The following CDH19 variants were observed in gnomAD, a reference collection of about 807,000 sequenced individuals.
CDH19 encodes cadherin 19, also known as cadherin-19.
A neutral mutation model predicts 64.2 loss-of-function variants in CDH19; 67 were observed. The observed-to-expected ratio is 1.04, with a 90% CI of 0.86 to 1.28. The LOEUF is 1.28. Among genes scored for constraint, CDH19 ranks in the 50% most tolerant of loss-of-function variants. CDH19 has a pLI of 0.00. For synonymous variants in CDH19, 346 were observed against 319.3 expected (o/e 1.08, Z -0.89); for missense variants, 1,030 against 929.0 (o/e 1.11, Z -1.41).
intron 3 of CDH19, among the ~76,000 whole-genome samples, chr18:66,562,210 T>C (rs1393965910): frequency 2.0e-5 from 3 of 151,664 alleles, no homozygotes; most frequent in South Asian, 4.2e-4. Context: ...TATTACTACA[T>C]TGTAATATAT....
chr18:66,572,410 A>G (rs1988136327), intron 1 of CDH19, 94 bp from the exon 2 acceptor site: 1 of 393,036 alleles, frequency 2.5e-6, no homozygotes, highest in Non-Finnish European at 4.6e-6. Flanking sequence ...GCATCTGACA[A>G]AAGTGGAATA....
rs1986815467 is a variant in CDH19, at chr18:66,539,746, T to C, written c.1214+4225A>G. Among the ~76,000 whole-genome samples the C allele has an allele frequency of 3.3e-5, 5 of 152,152 alleles. No individual in the cohort carries two copies. The South Asian group carries it at 1.0e-3, about 31-fold the overall frequency. On this transcript the variant is annotated intron_variant, in intron 7 of 11. Transcript: ENST00000262150. ...TCTTTGCTTGTTACGTATGGTAGGATATATCAGTGGCATCAATTTTTACTG... is the reference window on the plus strand; with the variant it reads ...TCTTTGCTTGTTACGTATGGTAGGACATATCAGTGGCATCAATTTTTACTG...
intron 9 of CDH19, among the ~76,000 whole-genome samples, chr18:66,518,325 C>T (rs1192064523): frequency 6.6e-6 from 1 of 152,030 alleles, no homozygotes; most frequent in Non-Finnish European, 1.5e-5. Flanking sequence ...CCTCTTCCTC[C>T]CAGGTTCAAG....
intron 9 of CDH19, among the ~76,000 whole-genome samples, chr18:66,529,616 T>C (rs1986358495): frequency 6.7e-6 from 1 of 148,236 alleles, no homozygotes; most frequent in South Asian, 2.1e-4. Flanking sequence ...ATAAGATGAA[T>C]GCATAACAAA....
chr18:66,541,284 T>A (rs965658384), intron 7 of CDH19, among the ~76,000 whole-genome samples: 3 of 152,150 alleles, frequency 2.0e-5, no homozygotes, highest in Admixed American at 6.6e-5. Flanking sequence ...CTATGTTTAA[T>A]ATGTGTTAGT....
chr18:66,545,402 T>G lies in CDH19; in HGVS notation c.776-499A>C, dbSNP rs1428077336. 3.2e-5 allele frequency among the ~76,000 whole-genome samples: 4 copies of G among 124,382 alleles called. No individual in the cohort carries two copies. In the East Asian group the frequency reaches 7.7e-4, roughly 24 times the overall value. The allele number at this position is 124,382 out of a possible 152,430, so 81.6% of individuals were successfully genotyped here. On this transcript the variant is annotated intron_variant, in intron 5 of 11. Coordinates refer to ENST00000262150, the MANE Select transcript of CDH19 (RefSeq NM_021153.4). ...TTCTCTTTTTCCTTTCTTTCTTTCC[T>G]TCCTTCCTTCCTTCTTTCCTTCCTT...
intron 3 of CDH19, among the ~76,000 whole-genome samples, chr18:66,565,860 G>A (rs1455727414): frequency 6.6e-6 from 1 of 151,928 alleles, no homozygotes; most frequent in Non-Finnish European, 1.5e-5. Context: ...GTGCTCATTA[G>A]TTCTTGCATG....
intron 1 of CDH19, among the ~76,000 whole-genome samples, chr18:66,590,298 A>G (rs1204251506): frequency 6.6e-6 from 1 of 151,968 alleles, no homozygotes; most frequent in Non-Finnish European, 1.5e-5. Flanking sequence ...CTATGCAAAG[A>G]TAATGGCATT....
At chr18:66,517,411 AATG>A (rs1318752768) in intron 9 of CDH19, among the ~76,000 whole-genome samples, 1 of 152,140 alleles carries the variant, frequency 6.6e-6, no homozygotes, top group Non-Finnish European at 1.5e-5. Context: ...TGATTTGAAA[AATG>A]ATAACTATTT....
rs188720394 is a variant in CDH19 at position 66,592,652 on chromosome 18, C to T, written c.-113+11302G>A. On this transcript the variant is annotated intron_variant, in intron 1 of 11. Transcript: ENST00000262150. ...AACTTGCAGTGTTTATCTTTCTGTGCCTGACCTATTTCACTTAAAGTAATG... is the reference window on the plus strand; with the variant it reads ...AACTTGCAGTGTTTATCTTTCTGTGTCTGACCTATTTCACTTAAAGTAATG... Among the ~76,000 whole-genome samples the T allele has an allele frequency of 2.0e-3, 297 of 151,866 alleles. 4 individuals are homozygous for T. The highest frequency in any genetic ancestry group is 6.3e-3 in the African/African-American group (260 of 41,510).
At chr18:66,525,296 G>A (rs917059096) in intron 9 of CDH19, among the ~76,000 whole-genome samples, 5 of 151,736 alleles carry the variant, frequency 3.3e-5, no homozygotes, top group African/African-American at 1.2e-4. Flanking sequence ...AAATAATTAC[G>A]GTTCATATGC....
Position 66,572,207 on chromosome 18 carries a change from C to A in CDH19, c.-3G>T. On this transcript the variant is annotated 5_prime_UTR_variant, in exon 2 of 12. Transcript: ENST00000262150. Reference sequence around the variant, plus strand: ...CGCAGCAGTAAATAACAGTTCATTGCGTTGACTCTTTTGATTCCAACTATT... The same window carrying A: ...CGCAGCAGTAAATAACAGTTCATTGAGTTGACTCTTTTGATTCCAACTATT... 1 of 1,605,702 alleles carries A rather than the reference C, an allele frequency of 6.2e-7. No individual in the cohort carries two copies.
intron 1 of CDH19, among the ~76,000 whole-genome samples, chr18:66,597,767 T>A (rs1176456676): frequency 2.0e-5 from 3 of 151,960 alleles, no homozygotes; most frequent in Non-Finnish European, 4.4e-5. Flanking sequence ...CAACCCCATT[T>A]AAACATGGGC....
At chr18:66,507,773 T>C (rs1985274360) in intron 11 of CDH19, among the ~76,000 whole-genome samples, 1 of 151,956 alleles carries the variant, frequency 6.6e-6, no homozygotes, top group South Asian at 2.1e-4. Context: ...CAAAAGACTT[T>C]TGGATTATTT....
intron 8 of CDH19, among the ~76,000 whole-genome samples, chr18:66,533,610 C>G (rs1370243574): frequency 7.7e-5 from 10 of 129,994 alleles, no homozygotes; most frequent in Admixed American, 7.0e-4. Context: ...TAAAACTTCA[C>G]AGCTTCACCT....
At chr18:66,514,633 TTTAG>T (rs1985652228) in intron 9 of CDH19, among the ~76,000 whole-genome samples, 1 of 151,634 alleles carries the variant, frequency 6.6e-6, no homozygotes, top group Non-Finnish European at 1.5e-5. Context: ...TAAGTTCCAA[TTTAG>T]TTATTTTATG....
chr18:66,535,852 A>G (rs1273361867), intron 7 of CDH19, among the ~76,000 whole-genome samples: 1 of 147,168 alleles, frequency 6.8e-6, no homozygotes, highest in Admixed American at 6.9e-5. Context: ...CAATATATGT[A>G]TGTATATATG....
chr18:66,553,114 A>G (rs890060768), intron 4 of CDH19, among the ~76,000 whole-genome samples: 1 of 134,574 alleles, frequency 7.4e-6, no homozygotes, highest in African/African-American at 3.4e-5. Context: ...TTACTTCATA[A>G]GTACCTACAG....
chr18:66,516,349 A>T (rs2144364313), intron 9 of CDH19, among the ~76,000 whole-genome samples: 1 of 152,180 alleles, frequency 6.6e-6, no homozygotes, highest in South Asian at 2.1e-4. Flanking sequence ...CTTGGTAATC[A>T]AAATCACTTT....
Sources: gnomAD v4.1 joint callset for allele counts (sites outside exome capture counted in the v4.1 genomes callset) on GRCh38, gnomAD v4.1.1 for gene constraint, MANE v1.5 for transcripts, NCBI Gene and HGNC (gene_info 2026-07-23, HGNC 2026-07-21) for gene names.